Variants in CCDC7 observed in about 807,000 individuals in gnomAD.
CCDC7 encodes the protein coiled-coil domain containing 7, also known as coiled-coil domain-containing protein 7.
CCDC7 carries 183 observed loss-of-function variants against 196.9 expected under a neutral mutation model. The ratio of observed to expected loss-of-function variants is 0.93; its 90% CI spans 0.82 to 1.05. CCDC7 has a LOEUF of 1.05. CCDC7 is among the 50% of genes least tolerant of loss of function. CCDC7 has a pLI of 0.00. For synonymous variants in CCDC7, 525 were observed against 484.6 expected, an observed-to-expected ratio of 1.08 and a Z score of -1.10; for missense variants, 1,540 against 1,482.2, an observed-to-expected ratio of 1.04 and a Z score of -0.64.
At chr10:32,727,784 G>T (rs2083342226) in intron 26 of CCDC7, among the ~76,000 whole-genome samples, 1 of 152,088 alleles carries the variant, frequency 6.6e-6, no homozygotes, top group East Asian at 1.9e-4. Context: ...TTAAGTTCTG[G>T]ATTTTGTCAC....
chr10:32,867,586 A>G lies in CCDC7; in HGVS notation c.4112-8761A>G, dbSNP rs189743240. Among the ~76,000 whole-genome samples, 10 of 151,684 alleles carry G rather than the reference A, an allele frequency of 6.6e-5. No homozygotes were observed. In the East Asian group the frequency reaches 1.9e-3, roughly 29 times the overall value. On this transcript the variant is annotated intron_variant, in intron 41 of 41. Transcript: ENST00000639629. ...AAACCCTATTATACAAAAAGCTTCT[A>G]TGAAACAAAAAAGGCAACTAACGGG...
At chr10:32,496,113 C>G (rs529280228) in intron 9 of CCDC7, among the ~76,000 whole-genome samples, 1 of 152,172 alleles carries the variant, frequency 6.6e-6, no homozygotes, top group African/African-American at 2.4e-5. Flanking sequence ...CTTCACATCC[C>G]TTGTAAGTTG....
At chr10:32,704,055 C>T (rs1006543046) in intron 24 of CCDC7, among the ~76,000 whole-genome samples, 2 of 152,126 alleles carry the variant, frequency 1.3e-5, no homozygotes, top group South Asian at 2.1e-4. Context: ...CCATTGCTGG[C>T]GAGCAGCTGC....
Position 32,642,564 on chromosome 10 carries a change from C to A in CCDC7, c.2014+7406C>A, listed in dbSNP as rs531583898. Among the ~76,000 whole-genome samples the A allele has an allele frequency of 9.0e-4, 137 of 152,312 alleles. 1 individual carries two copies. Among genetic ancestry groups the A allele is most frequent in the Middle Eastern group, 3.4e-3 (1 of 294 alleles). On this transcript the variant is annotated intron_variant, in intron 20 of 41. Coordinates refer to ENST00000639629, the Ensembl canonical transcript of CCDC7. ...CACCTGGAAAAGGGTGCCACCCTTT[C>A]TTTGACTAGGAAAAGGAATTCCCTG...
intron 29 of CCDC7, among the ~76,000 whole-genome samples, chr10:32,800,618 A>G (rs535439566): frequency 3.2e-4 from 48 of 152,306 alleles, no homozygotes; most frequent in African/African-American, 1.1e-3. Context: ...CCTTTCCCCT[A>G]TGCACAGTTA....
intron 28 of CCDC7, among the ~76,000 whole-genome samples, chr10:32,747,286 C>T (rs1398401240): frequency 6.6e-6 from 1 of 152,202 alleles, no homozygotes; most frequent in Non-Finnish European, 1.5e-5. Flanking sequence ...CTAGGAAATA[C>T]CCTTCTGGAC....
At chr10:32,796,781 G>C (rs2083628099) in intron 29 of CCDC7, among the ~76,000 whole-genome samples, 1 of 152,038 alleles carries the variant, frequency 6.6e-6, no homozygotes, top group Admixed American at 6.5e-5. Context: ...ATATTATAAG[G>C]CATAATTGAA....
chr10:32,565,438 A>T, intron 13 of CCDC7, 120 bp from the exon 15 acceptor site: 2 of 988,930 alleles, frequency 2.0e-6, no homozygotes, highest in Non-Finnish European at 1.5e-6. Context: ...TGTGCAGTTC[A>T]ATGTCTATGC....
At chr10:32,683,945 T>TTGAGCTCTATAC (rs1454528350) in intron 21 of CCDC7, among the ~76,000 whole-genome samples, 1 of 152,172 alleles carries the variant, frequency 6.6e-6, no homozygotes, top group African/African-American at 2.4e-5. Context: ...GAGATAGCTT[T>TTGAGCTCTATAC]TGAGCTCTAT....
intron 41 of CCDC7, among the ~76,000 whole-genome samples, chr10:32,868,635 G>A (rs1039947573): frequency 2.0e-5 from 3 of 151,882 alleles, no homozygotes; most frequent in Non-Finnish European, 4.4e-5. Context: ...AGTTACATAT[G>A]TATCCATGTG....
intron 18 of CCDC7, among the ~76,000 whole-genome samples, chr10:32,599,326 G>A (rs1036163986): frequency 2.0e-5 from 3 of 151,986 alleles, no homozygotes; most frequent in African/African-American, 7.3e-5. Context: ...CTTATACATA[G>A]CATGTCATTG....
At chr10:32,498,165 A>C (rs2043208668) in intron 9 of CCDC7, among the ~76,000 whole-genome samples, 1 of 151,696 alleles carries the variant, frequency 6.6e-6, no homozygotes, top group Admixed American at 6.6e-5. Flanking sequence ...TTCTCTTTTG[A>C]TTTCTGCTGC....
chr10:32,848,162 T>C (rs2093390814), intron 38 of CCDC7, among the ~76,000 whole-genome samples: 1 of 152,172 alleles, frequency 6.6e-6, no homozygotes, highest in East Asian at 1.9e-4. Flanking sequence ...AAATGTTTTC[T>C]ACAATAATCC....
chr10:32,494,853 A>G (rs1165644547), intron 9 of CCDC7, among the ~76,000 whole-genome samples: 1 of 152,166 alleles, frequency 6.6e-6, no homozygotes, highest in East Asian at 1.9e-4. Flanking sequence ...CTGCAATAAC[A>G]TATGTGTGCA....
At chr10:32,645,997 T>C (rs940532288) in intron 20 of CCDC7, among the ~76,000 whole-genome samples, 2 of 152,090 alleles carry the variant, frequency 1.3e-5, no homozygotes, top group Middle Eastern at 3.4e-3. Context: ...TTTGTTTTGT[T>C]CATCTTTTAT....
chr10:32,576,404 G>A (rs897210459), intron 16 of CCDC7, among the ~76,000 whole-genome samples: 1 of 152,074 alleles, frequency 6.6e-6, no homozygotes, highest in African/African-American at 2.4e-5. Context: ...CATGGTAAGA[G>A]GGGCCCTTGC....
chr10:32,606,134 C>T (rs966691016), intron 18 of CCDC7, among the ~76,000 whole-genome samples: 4 of 152,242 alleles, frequency 2.6e-5, no homozygotes, highest in Non-Finnish European at 5.9e-5. Context: ...GCCCCAGATA[C>T]AGCTCAGGCC....
intron 26 of CCDC7, among the ~76,000 whole-genome samples, chr10:32,728,119 C>T (rs1209291429): frequency 6.6e-6 from 1 of 152,120 alleles, no homozygotes; most frequent in Non-Finnish European, 1.5e-5. Flanking sequence ...TTGAGTGAAG[C>T]TTCTCTGTCA....
intron 41 of CCDC7, among the ~76,000 whole-genome samples, chr10:32,860,894 C>T (rs1366190639): frequency 6.6e-6 from 1 of 151,994 alleles, no homozygotes; most frequent in Non-Finnish European, 1.5e-5. Context: ...CAAACCACTG[C>T]TCAAGGAAAT....
Sources: allele counts gnomAD v4.1 joint callset (sites outside exome capture counted in the v4.1 genomes callset), GRCh38; gene constraint gnomAD v4.1.1; transcripts MANE v1.5; gene names NCBI Gene and HGNC (gene_info 2026-07-23, HGNC 2026-07-21).